Variants in TMEM114 observed in about 807,000 individuals in gnomAD.
TMEM114 encodes claudin-26.
In TMEM114, 6 loss-of-function variants were observed where a neutral mutation model predicts 6.2. The ratio of observed to expected loss-of-function variants is 0.97; its 90% CI spans 0.53 to 1.91. TMEM114 has a LOEUF of 1.91. TMEM114 is among the 40% of genes most tolerant of loss of function. TMEM114 has a pLI of 0.01. For synonymous variants in TMEM114, 104 were observed against 73.0 expected (o/e 1.42, Z -2.16); for missense variants, 218 against 158.3 (o/e 1.38, Z -2.02).
At chr16:8,528,701 A>T in the TMEM114 span, among the ~76,000 whole-genome samples, 3 of 152,238 alleles carry the variant, frequency 2.0e-5, no homozygotes, top group Non-Finnish European at 2.9e-5. Flanking sequence ...AAAATAATTT[A>T]AAAATGCATG....
intron 2 of TMEM114, among the ~76,000 whole-genome samples, chr16:8,561,409 C>T (rs987768045): frequency 7.2e-5 from 11 of 152,224 alleles, no homozygotes; most frequent in Admixed American, 5.2e-4. Context: ...AAGCATACCC[C>T]GCATTCCACC....
At chr16:8,538,178 G>A (rs1381515107) in intron 2 of TMEM114, among the ~76,000 whole-genome samples, 1 of 149,912 alleles carries the variant, frequency 6.7e-6, no homozygotes. Flanking sequence ...GGTGGTGCCT[G>A]CTTGTAGTCC....
rs917083609 is a variant in TMEM114 at position 8,589,828 on chromosome 16, T to G, written c.11A>C (p.His4Pro). The part of the protein sequence containing the change: MRV[H>P]LGGLAGAAAL... ...AGCCGCGCCGGCCAGCCCGCCCAGGTGCACCCGCATCGCCGAGCCCAGGAC... is the reference window on the plus strand; with the variant it reads ...AGCCGCGCCGGCCAGCCCGCCCAGGGGCACCCGCATCGCCGAGCCCAGGAC... The change falls in exon 1 of 4, where the codon CAC becomes CCC. Residue 4 changes from histidine to proline, a missense_variant. Coordinates refer to ENST00000620492, the MANE Select transcript of TMEM114 (RefSeq NM_001146336.2). 1.5e-4 allele frequency: 61 copies of G among 397,604 alleles called. No homozygotes were observed. The highest frequency in any genetic ancestry group is 1.2e-3 in the African/African-American group (59 of 48,602). 24.6% of individuals were successfully genotyped at this position (397,604 alleles called of 1,614,324 possible). A position where few individuals can be genotyped will look rare whatever the true frequency, so the allele number is the denominator to read the frequency against.
chr16:8,568,255 T>C (rs926379720), downstream of TMEM114, among the ~76,000 whole-genome samples: 3 of 152,100 alleles, frequency 2.0e-5, no homozygotes, highest in Non-Finnish European at 4.4e-5. Flanking sequence ...GAGAGCAAGG[T>C]CTGGGTCTGG....
At position 8,589,240 on chromosome 16, in the gene TMEM114, CTG is replaced by C; in HGVS notation, c.272_273del (p.Thr91SerfsTer183). On this transcript the variant is annotated frameshift_variant, in exon 2 of 4. Coordinates refer to ENST00000620492, the MANE Select transcript of TMEM114 (RefSeq NM_001146336.2). LOFTEE classifies it high-confidence loss of function. The stretch of plus-strand genomic sequence containing the variant: ...AGAAGTTGCCGGCTCGATTCGCTGA[CTG>C]TCACGTTCTCCAGCCTGAAGGGGTT... ...LMNPFRLENVTVSESSRQLLT... is the reference protein window; with the variant it reads ...LMNPFRLENVXVSESSRQLLT... 1 of 399,000 alleles carries C rather than the reference CTG, an allele frequency of 2.5e-6. No individual in the cohort carries two copies. The highest frequency in any genetic ancestry group is 4.4e-6 in the Non-Finnish European group (1 of 226,370). 24.7% of individuals were successfully genotyped at this position (399,000 alleles called of 1,614,324 possible). A position where few individuals can be genotyped will look rare whatever the true frequency, so the allele number is the denominator to read the frequency against.
At chr16:8,553,250 T>C (rs1421666662) in intron 2 of TMEM114, among the ~76,000 whole-genome samples, 1 of 152,334 alleles carries the variant, frequency 6.6e-6, no homozygotes, top group South Asian at 2.1e-4. Context: ...TGTGATTTAA[T>C]GGGCATTCTT....
At chr16:8,537,622 C>T (rs1422195081) in exon 3 of TMEM114, 2 of 152,142 alleles carry the variant, frequency 1.3e-5, no homozygotes, top group Non-Finnish European at 2.9e-5. Flanking sequence ...TAGCTATTCA[C>T]ATATATGTAT....
intron 2 of TMEM114, among the ~76,000 whole-genome samples, chr16:8,562,808 G>T (rs1258703862): frequency 6.7e-6 from 1 of 148,570 alleles, no homozygotes; most frequent in East Asian, 2.0e-4. Context: ...GAATGAGTGA[G>T]TAAATGAGTG....
At chr16:8,537,623 A>T (rs1900396683) in exon 3 of TMEM114, 1 of 152,214 alleles carries the variant, frequency 6.6e-6, no homozygotes, top group South Asian at 2.1e-4. Context: ...AGCTATTCAC[A>T]TATATGTATA....
chr16:8,564,755 G>A (rs530539776), downstream of TMEM114, among the ~76,000 whole-genome samples: 57 of 151,850 alleles, frequency 3.8e-4, no homozygotes, highest in Admixed American at 7.9e-4. Flanking sequence ...ATGAGTGAAT[G>A]AGTGAGTGAA....
At chr16:8,588,555 T>A (rs1240267439) in intron 2 of TMEM114, among the ~76,000 whole-genome samples, 2 of 152,190 alleles carry the variant, frequency 1.3e-5, no homozygotes, top group African/African-American at 4.8e-5. Flanking sequence ...TGCTCATTCA[T>A]CCCATTTCCT....
At chr16:8,564,709 A>ATGAGTGAG (rs1901465781), downstream of TMEM114, among the ~76,000 whole-genome samples, 12 of 47,300 alleles carry the variant, frequency 2.5e-4, no homozygotes, top group African/African-American at 3.5e-4. Flanking sequence ...GAGTGAGTGA[A>ATGAGTGAG]TGAGTGAGTA....
At chr16:8,555,689 C>G (rs1311501038) in intron 2 of TMEM114, among the ~76,000 whole-genome samples, 1 of 152,174 alleles carries the variant, frequency 6.6e-6, no homozygotes, top group Non-Finnish European at 1.5e-5. Context: ...CCAGGTAATT[C>G]TCAACCAGGA....
intron 2 of TMEM114, among the ~76,000 whole-genome samples, chr16:8,560,153 C>A (rs762838019): frequency 6.6e-5 from 10 of 151,390 alleles, no homozygotes; most frequent in East Asian, 3.9e-4. Context: ...CCACCATACC[C>A]GGCTATTTTT....
At chr16:8,550,566 G>A (rs796789013) in intron 2 of TMEM114, among the ~76,000 whole-genome samples, 5 of 151,740 alleles carry the variant, frequency 3.3e-5, no homozygotes, top group Non-Finnish European at 7.4e-5. Context: ...TAATCCCAGC[G>A]ACTCTGGAGG....
downstream of TMEM114, among the ~76,000 whole-genome samples, chr16:8,536,668 TTTTG>T (rs968499501): frequency 3.3e-5 from 5 of 152,052 alleles, no homozygotes; most frequent in African/African-American, 9.7e-5. Context: ...TTTGGTTTGT[TTTTG>T]TTTGTTTGTT....
rs1208848690 is a variant in TMEM114, at chr16:8,589,900, G to A, written c.-62C>T. On this transcript the variant is annotated 5_prime_UTR_variant, in exon 1 of 4. Transcript: ENST00000620492. ...GCCGCGGCGCGACCCCTCTGCTCCT[G>A]CCCCCGTCCCCAGCCGGCCACCGCG... 2.5e-6 allele frequency: 1 copy of A among 393,394 alleles called. No individual in the cohort carries two copies. Among genetic ancestry groups the A allele is most frequent in the African/African-American group, 2.1e-5 (1 of 48,324 alleles). The allele number at this position is 393,394 out of a possible 1,614,324, so 24.4% of individuals were successfully genotyped here.
At chr16:8,567,256 C>T (rs775500384), downstream of TMEM114, among the ~76,000 whole-genome samples, 5 of 152,102 alleles carry the variant, frequency 3.3e-5, no homozygotes, top group Non-Finnish European at 7.4e-5. Context: ...CTGTCTGAAT[C>T]TCTCAGATAG....
downstream of TMEM114, among the ~76,000 whole-genome samples, chr16:8,568,757 T>C (rs1348350633): frequency 5.9e-5 from 9 of 152,106 alleles, no homozygotes; most frequent in Admixed American, 5.9e-4. Flanking sequence ...TCAGCCATGG[T>C]TTTGGGTTAG....
Sources: gnomAD v4.1 joint callset for allele counts (sites outside exome capture counted in the v4.1 genomes callset) on GRCh38, gnomAD v4.1.1 for gene constraint, MANE v1.5 for transcripts, NCBI Gene and HGNC (gene_info 2026-07-23, HGNC 2026-07-21) for gene names.